OR4D1: variants seen among roughly 807,000 people sequenced by gnomAD.
OR4D1 encodes the protein olfactory receptor family 4 subfamily D member 1, also known as olfactory receptor 4D1.
A neutral mutation model predicts 14.2 loss-of-function variants in OR4D1; 10 were observed. That is an observed-to-expected ratio of 0.71 (90% CI 0.44 to 1.20). OR4D1 has a LOEUF of 1.20. OR4D1 is among the 50% of genes most tolerant of loss of function. The pLI, the probability that OR4D1 is intolerant of heterozygous loss-of-function variation, is 0.00. For synonymous variants in OR4D1, 141 were observed against 147.4 expected (o/e 0.96, Z 0.32); for missense variants, 345 against 376.6 (o/e 0.92, Z 0.70).
In OR4D1 at chr17:58,157,744, C is replaced by T; in HGVS notation, c.*1658C>T. ...ACCCGTTCCATAGACCTGTGCTTCCCATCCCGCCCGTGGGACTCTATGCCA... is the reference window on the plus strand; with the variant it reads ...ACCCGTTCCATAGACCTGTGCTTCCTATCCCGCCCGTGGGACTCTATGCCA... On this transcript the variant is annotated 3_prime_UTR_variant, in exon 4 of 4. Coordinates refer to ENST00000268912, the MANE Select transcript of OR4D1 (RefSeq NM_001386095.1). 2 of 1,613,206 alleles carry T rather than the reference C, an allele frequency of 1.2e-6. No homozygotes were observed. Among genetic ancestry groups the T allele is most frequent in the African/African-American group, 2.7e-5 (2 of 75,062 alleles).
intron 2 of OR4D1, among the ~76,000 whole-genome samples, chr17:58,151,190 C>T (rs1046373606): frequency 6.6e-6 from 1 of 151,948 alleles, no homozygotes; most frequent in African/African-American, 2.4e-5. Context: ...TCTTAAAACC[C>T]CTCATGGATA....
Position 58,157,206 on chromosome 17 carries a change from G to T in OR4D1, c.*1120G>T. The T allele has an allele frequency of 8.2e-6, 12 of 1,461,444 alleles. No individual in the cohort carries two copies. Among genetic ancestry groups the T allele is most frequent in the Non-Finnish European group, 1.1e-5 (12 of 1,108,510 alleles). The allele number at this position is 1,461,444 out of a possible 1,614,324, so 90.5% of individuals were successfully genotyped here. On this transcript the variant is annotated 3_prime_UTR_variant, in exon 4 of 4. Coordinates refer to ENST00000268912, the MANE Select transcript of OR4D1 (RefSeq NM_001386095.1). ...GGCATCCCCAGTGCCGGCCAAAAGC[G>T]CCTCTTCCGGGGCCACCCTGCGGCT...
Position 58,155,819 on chromosome 17 carries a change from G to C in OR4D1, c.666G>C (p.Leu222=). ...LLLLISYTVI[L]VMLRSHSGKA... The stretch of plus-strand genomic sequence containing the variant: ...TTCTGATCTCTTATACTGTCATCCT[G>C]GTGATGCTGAGGTCCCACTCGGGAA... The change falls in exon 4 of 4, where the codon CTG becomes CTC. Residue 222 remains leucine, a synonymous_variant. Coordinates refer to ENST00000268912, the MANE Select transcript of OR4D1 (RefSeq NM_001386095.1). 6.2e-7 allele frequency: 1 copy of C among 1,614,138 alleles called. No homozygotes were observed. Among genetic ancestry groups the C allele is most frequent in the South Asian group, 1.1e-5 (1 of 91,082 alleles).
At position 58,157,687 on chromosome 17, in the gene OR4D1, C is replaced by A; in HGVS notation, c.*1601C>A. 1 of 1,613,950 alleles carries A rather than the reference C, an allele frequency of 6.2e-7. No homozygotes were observed. Among genetic ancestry groups the A allele is most frequent in the Non-Finnish European group, 8.5e-7 (1 of 1,179,844 alleles). On this transcript the variant is annotated 3_prime_UTR_variant, in exon 4 of 4. Transcript: ENST00000268912. ...GTCTCCCTTTCCCCATCAGCTCGCC[C>A]CTGCAGGCAGCGTCCATATACGCAG...
chr17:58,152,604 G>T (rs1967715266), intron 2 of OR4D1, among the ~76,000 whole-genome samples: 1 of 152,168 alleles, frequency 6.6e-6, no homozygotes, highest in Non-Finnish European at 1.5e-5. Flanking sequence ...AAAAACTTCA[G>T]TGTTCATCTC....
In OR4D1 at chr17:58,156,239, T is replaced by TG; in HGVS notation, c.*153_*154insG. ...CTGTGTCAAGTACTGTGTTAAGCACTTCCACGCTTTTTTTCTTTTTTTTTT... is the reference window on the plus strand; with the variant it reads ...CTGTGTCAAGTACTGTGTTAAGCACTGTCCACGCTTTTTTTCTTTTTTTTTT... On this transcript the variant is annotated 3_prime_UTR_variant, in exon 4 of 4. Transcript: ENST00000268912. 3.3e-6 allele frequency: 2 copies of TG among 606,380 alleles called. No individual in the cohort carries two copies. The highest frequency in any genetic ancestry group is 3.2e-5 in the Admixed American group (1 of 31,442). 37.6% of individuals were successfully genotyped at this position (606,380 alleles called of 1,614,324 possible).
Position 58,155,665 on chromosome 17 carries a change from C to G in OR4D1, c.512C>G (p.Pro171Arg), listed in dbSNP as rs761787184. 14 of 1,614,110 alleles carry G rather than the reference C, an allele frequency of 8.7e-6. No homozygotes were observed. The highest frequency in any genetic ancestry group is 1.1e-5 in the Non-Finnish European group (13 of 1,180,012). ...ATACTTCCACTGCCCTTCTGTGGCC[C>G]CAATATCCTAGATAACTTCTACTGT... ...ALILPLPFCG[P>R]NILDNFYCDV... Residue 171 changes from proline (P) to arginine (R), a missense_variant, in exon 4 of 4, where the codon CCC becomes CGC. Physicochemically the swap from Pro to Arg is moderately radical, Grantham distance 103. Transcript: ENST00000268912.
Position 58,158,460 on chromosome 17 carries a change from AC to A in OR4D1, c.*2375del, listed in dbSNP as rs1386625029. The A allele has an allele frequency of 2.9e-5, 1 of 34,710 alleles. No individual in the cohort carries two copies. The highest frequency in any genetic ancestry group is 7.6e-5 in the Non-Finnish European group (1 of 13,156). 2.2% of individuals were successfully genotyped at this position (34,710 alleles called of 1,614,324 possible). On this transcript the variant is annotated 3_prime_UTR_variant, in exon 4 of 4. Coordinates refer to ENST00000268912, the MANE Select transcript of OR4D1 (RefSeq NM_001386095.1). ...CTCTCCCCACGCCCACCCCCCCCCC[AC>A]ACACACATTTTTACAGTTTTACCTT...
In OR4D1 at chr17:58,157,927, G is replaced by A. The variant is rs560435684; in HGVS notation, c.*1841G>A. On this transcript the variant is annotated 3_prime_UTR_variant, in exon 4 of 4. Transcript: ENST00000268912. ...AAACCCTGAGTGCACCACCCTAAGC[G>A]GCTAGGCCGGCAGGGCCACACGACA... 10 of 922,694 alleles carry A rather than the reference G, an allele frequency of 1.1e-5. No homozygotes were observed. In the South Asian group the frequency reaches 1.4e-4, roughly 13 times the overall value. The allele number at this position is 922,694 out of a possible 1,614,324, so 57.2% of individuals were successfully genotyped here.
intron 2 of OR4D1, among the ~76,000 whole-genome samples, chr17:58,150,629 G>A (rs954381749): frequency 2.0e-5 from 3 of 152,120 alleles, no homozygotes; most frequent in African/African-American, 7.2e-5. Flanking sequence ...AAGAACCCAC[G>A]GTTACTGACG....
rs558251631 is a variant in OR4D1 at position 58,152,425 on chromosome 17, C to G, written c.-126-1432C>G. ...AAACTAGAGTATCTCTGAGGCTTTT[C>G]ATCTTATGTTTTATCATGGAAATTT... On this transcript the variant is annotated intron_variant, in intron 2 of 3. Coordinates refer to ENST00000268912, the MANE Select transcript of OR4D1 (RefSeq NM_001386095.1). Among the ~76,000 whole-genome samples, 54 of 152,310 alleles carry G rather than the reference C, an allele frequency of 3.5e-4. 1 individual carries two copies. In the South Asian group the frequency reaches 0.01, roughly 29 times the overall value.
In OR4D1 at chr17:58,157,549, G is replaced by A. The variant is rs1597953280; in HGVS notation, c.*1463G>A. 14 of 1,509,200 alleles carry A rather than the reference G, an allele frequency of 9.3e-6. No homozygotes were observed. The highest frequency in any genetic ancestry group is 1.2e-5 in the Non-Finnish European group (13 of 1,084,928). The allele number at this position is 1,509,200 out of a possible 1,614,324, so 93.5% of individuals were successfully genotyped here. A position where few individuals can be genotyped will look rare whatever the true frequency, so the allele number is the denominator to read the frequency against. ...TCTCCAGCTCTCCGAACCTCACGGA[G>A]ACTCAGGTCAAAATCTTGTTCCAGA... On this transcript the variant is annotated 3_prime_UTR_variant, in exon 4 of 4. Coordinates refer to ENST00000268912, the MANE Select transcript of OR4D1 (RefSeq NM_001386095.1).
In OR4D1 at chr17:58,149,677, C is replaced by T; in HGVS notation, c.-246C>T. ...CCTTGAAGGAAGGGTAGAATTCAGA[C>T]AGGTGAACAGGACAGAAAAGCAATT... On this transcript the variant is annotated 5_prime_UTR_variant, in exon 2 of 4. Coordinates refer to ENST00000268912, the MANE Select transcript of OR4D1 (RefSeq NM_001386095.1). 6.6e-6 allele frequency: 1 copy of T among 152,222 alleles called. No individual in the cohort carries two copies. Among genetic ancestry groups the T allele is most frequent in the South Asian group, 2.1e-4 (1 of 4,834 alleles). The allele number at this position is 152,222 out of a possible 1,614,324, so 9.4% of individuals were successfully genotyped here.
chr17:58,151,245 A>C (rs1240503985), intron 2 of OR4D1, among the ~76,000 whole-genome samples: 1 of 152,142 alleles, frequency 6.6e-6, no homozygotes, highest in Non-Finnish European at 1.5e-5. Flanking sequence ...AAGGTTGATG[A>C]AGATCTTTTT....
chr17:58,155,419 C>A lies in OR4D1; in HGVS notation c.266C>A (p.Thr89Asn). 5 of 1,614,212 alleles carry A rather than the reference C, an allele frequency of 3.1e-6. No homozygotes were observed. The highest frequency in any genetic ancestry group is 4.2e-6 in the Non-Finnish European group (5 of 1,180,036). ...PKMLVDFLHE[T>N]KTISYQGCMA... Reference sequence around the variant, plus strand: ...ATGCTGGTGGACTTCCTCCATGAGACCAAGACGATCTCCTACCAGGGCTGC... The same window carrying A: ...ATGCTGGTGGACTTCCTCCATGAGAACAAGACGATCTCCTACCAGGGCTGC... Residue 89 changes from threonine to asparagine, a missense_variant, in exon 4 of 4, where the codon ACC becomes AAC. Thr to Asn is a moderately conservative substitution (Grantham distance 65). Coordinates refer to ENST00000268912, the MANE Select transcript of OR4D1 (RefSeq NM_001386095.1).
rs1385283692 is a variant in OR4D1 at position 58,155,890 on chromosome 17, T to C, written c.737T>C (p.Val246Ala). 1 of 1,614,052 alleles carries C rather than the reference T, an allele frequency of 6.2e-7. No individual in the cohort carries two copies. The highest frequency in any genetic ancestry group is 1.3e-5 in the African/African-American group (1 of 74,910). The change falls in exon 4 of 4, where the codon GTG becomes GCG. Residue 246 changes from valine to alanine, a missense_variant. Val to Ala is a moderately conservative substitution (Grantham distance 64, BLOSUM62 0). Transcript: ENST00000268912. ...TCCACCTGCACCACCCACATCATCG[T>C]GGTGTCCATGATCTTCATTCCCTGT... is the stretch of plus-strand genomic sequence containing the variant. ...AASTCTTHII[V>A]VSMIFIPCIY...
At chr17:58,148,834 T>A (rs1451417686) in intron 1 of OR4D1, among the ~76,000 whole-genome samples, 1 of 152,020 alleles carries the variant, frequency 6.6e-6, no homozygotes, top group African/African-American at 2.4e-5. Flanking sequence ...CACAAACAGG[T>A]CTTGCTCTGA....
chr17:58,155,341 T>C lies in OR4D1; in HGVS notation c.188T>C (p.Leu63Pro). ...CRLHTPMYFLLRNLALIDLCY... is the reference protein window; with the variant it reads ...CRLHTPMYFLPRNLALIDLCY... ...CTCCACACACCCATGTATTTTCTGC[T>C]CCGAAATCTAGCTCTCATAGACCTC... The change falls in exon 4 of 4, where the codon CTC becomes CCC. Residue 63 changes from leucine to proline, a missense_variant. Physicochemically the swap from Leu to Pro is moderately conservative, Grantham distance 98. Transcript: ENST00000268912. The C allele has an allele frequency of 6.2e-7, 1 of 1,614,134 alleles. No individual in the cohort carries two copies. Among genetic ancestry groups the C allele is most frequent in the South Asian group, 1.1e-5 (1 of 91,076 alleles).
Position 58,157,560 on chromosome 17 carries a change from A to G in OR4D1, c.*1474A>G, listed in dbSNP as rs1967792662. 16 of 1,570,914 alleles carry G rather than the reference A, an allele frequency of 1.0e-5. No homozygotes were observed. The highest frequency in any genetic ancestry group is 5.0e-5 in the Admixed American group (3 of 59,798). ...CCGAACCTCACGGAGACTCAGGTCA[A>G]AATCTTGTTCCAGAACCGAAGGGCC... On this transcript the variant is annotated 3_prime_UTR_variant, in exon 4 of 4. Coordinates refer to ENST00000268912, the MANE Select transcript of OR4D1 (RefSeq NM_001386095.1).
Sources: gnomAD v4.1 joint callset for allele counts (sites outside exome capture counted in the v4.1 genomes callset) on GRCh38, gnomAD v4.1.1 for gene constraint, MANE v1.5 for transcripts, NCBI Gene and HGNC (gene_info 2026-07-23, HGNC 2026-07-21) for gene names.